The following STXBP5 variants were observed in gnomAD, a reference collection of about 807,000 sequenced individuals.
The protein encoded by STXBP5 is syntaxin-binding protein 5.
Under a neutral mutation model 152.4 loss-of-function variants are expected in STXBP5, and 50 were observed. The observed-to-expected ratio is 0.33, with a 90% confidence interval of 0.26 to 0.42. STXBP5 has a LOEUF of 0.42. STXBP5 is among the 10% of genes least tolerant of loss of function. The pLI, the probability that STXBP5 is intolerant of heterozygous loss-of-function variation, is 1.00. For missense variants in STXBP5, 1,167 were observed against 1,388.6 expected (o/e 0.84, Z 2.54); for synonymous variants, 492 against 494.7 (o/e 0.99, Z 0.07).
intron 6 of STXBP5, among the ~76,000 whole-genome samples, chr6:147,263,869 A>G (rs1188989376): frequency 2.0e-5 from 3 of 151,962 alleles, no homozygotes; most frequent in Non-Finnish European, 2.9e-5. Context: ...ATTTTATGGT[A>G]TTTATCACAT....
At chr6:147,338,243 A>G (rs892109265) in intron 19 of STXBP5, among the ~76,000 whole-genome samples, 3 of 152,120 alleles carry the variant, frequency 2.0e-5, no homozygotes, top group Admixed American at 1.3e-4. Flanking sequence ...TTGGAAGTTC[A>G]TTCCAGTGAG....
chr6:147,235,387 T>C, intron 3 of STXBP5, 56 bp downstream of exon 3: 1 of 1,393,538 alleles, frequency 7.2e-7, no homozygotes, highest in Non-Finnish European at 1.0e-6. Context: ...CCACTTCTAG[T>C]CTTTCAGATT....
Position 147,239,283 on chromosome 6 carries a change from C to A in STXBP5, c.431+13C>A, listed in dbSNP as rs1017448023. 5 of 1,603,160 alleles carry A rather than the reference C, an allele frequency of 3.1e-6. No individual in the cohort carries two copies. The African/African-American group carries it at 6.7e-5, about 21-fold the overall frequency. On this transcript the variant is annotated intron_variant, in intron 4 of 27. Transcript: ENST00000321680. ...TTTGCAGAGAAAGGTAAGAATTCTC[C>A]CAGTTATCTTATGTATAGGATATTT...
chr6:147,247,761 C>T (rs1778881959), intron 4 of STXBP5, among the ~76,000 whole-genome samples: 1 of 152,078 alleles, frequency 6.6e-6, no homozygotes, highest in African/African-American at 2.4e-5. Flanking sequence ...CTTTGTTACA[C>T]TTATATAGAT....
At chr6:147,314,071 T>G (rs1316611753) in intron 12 of STXBP5, 40 bp downstream of exon 12, 1 of 1,531,132 alleles carries the variant, frequency 6.5e-7, no homozygotes, top group Non-Finnish European at 8.9e-7. Context: ...TTATATTTCT[T>G]ATTTATTCTA....
intron 2 of STXBP5, among the ~76,000 whole-genome samples, chr6:147,228,451 G>A (rs185946397): frequency 2.3e-4 from 35 of 152,074 alleles, no homozygotes; most frequent in Admixed American, 6.6e-4. Flanking sequence ...ACATTTTAGA[G>A]TGGTGTATTT....
intron 10 of STXBP5, among the ~76,000 whole-genome samples, chr6:147,311,216 A>G (rs1005395224): frequency 6.6e-6 from 1 of 152,176 alleles, no homozygotes; most frequent in Non-Finnish European, 1.5e-5. Flanking sequence ...GAAATTTGCA[A>G]TGCCATAGAA....
At chr6:147,363,246 A>C (rs2128413644) in intron 23 of STXBP5, 89 bp from the exon 24 acceptor site, 1 of 1,311,778 alleles carries the variant, frequency 7.6e-7, no homozygotes, top group African/African-American at 1.5e-5. Context: ...GCATATATTT[A>C]AGTATCTACT....
chr6:147,324,439 A>C (rs2128384479), intron 16 of STXBP5, among the ~76,000 whole-genome samples: 2 of 151,426 alleles, frequency 1.3e-5, no homozygotes, highest in South Asian at 4.2e-4. Context: ...CGCCAGGCTA[A>C]TTTTTGTATT....
chr6:147,209,703 T>A (rs2115025285), intron 2 of STXBP5, among the ~76,000 whole-genome samples: 1 of 152,296 alleles, frequency 6.6e-6, no homozygotes, highest in African/African-American at 2.4e-5. Flanking sequence ...TATTTGGGGC[T>A]CTACTGACAT....
chr6:147,229,295 T>A (rs539680880), intron 2 of STXBP5, among the ~76,000 whole-genome samples: 7 of 152,188 alleles, frequency 4.6e-5, no homozygotes, highest in South Asian at 2.1e-4. Flanking sequence ...GCCTTTTTTT[T>A]ATTACCTATT....
intron 23 of STXBP5, among the ~76,000 whole-genome samples, chr6:147,361,449 G>C (rs890277223): frequency 6.6e-6 from 1 of 152,062 alleles, no homozygotes; most frequent in Non-Finnish European, 1.5e-5. Context: ...CTTGAGGTTT[G>C]TTTTTAATAA....
chr6:147,381,293 A>G (rs551953433), intron 26 of STXBP5, among the ~76,000 whole-genome samples: 14 of 152,278 alleles, frequency 9.2e-5, no homozygotes, highest in Admixed American at 7.2e-4. Flanking sequence ...CTTCAACATC[A>G]TTTGTCATTA....
chr6:147,328,550 A>AT (rs1017798820), intron 18 of STXBP5: 96 of 320,798 alleles, frequency 3.0e-4, no homozygotes, highest in Admixed American at 1.3e-4. Context: ...TGATGACTGA[A>AT]TTTTTCTTTC....
rs1467226410 is a variant in STXBP5 at position 147,387,288 on chromosome 6, G to C, written c.*2533G>C. 1 of 151,182 alleles carries C rather than the reference G, an allele frequency of 6.6e-6. No individual in the cohort carries two copies. The highest frequency in any genetic ancestry group is 6.6e-5 in the Admixed American group (1 of 15,156). The allele number at this position is 151,182 out of a possible 1,614,324, so 9.4% of individuals were successfully genotyped here. A position where few individuals can be genotyped will look rare whatever the true frequency, so the allele number is the denominator to read the frequency against. ...TAAATACAGAAAGTAATAGTCACCA[G>C]CAAGCCACGATTTCAGGAAAACTGA... On this transcript the variant is annotated 3_prime_UTR_variant, in exon 28 of 28. Coordinates refer to ENST00000321680, the MANE Select transcript of STXBP5 (RefSeq NM_001127715.4).
chr6:147,274,049 G>A (rs1582875793), intron 7 of STXBP5, among the ~76,000 whole-genome samples: 1 of 152,036 alleles, frequency 6.6e-6, no homozygotes, highest in East Asian at 1.9e-4. Flanking sequence ...TATATTCATG[G>A]AAGCATTTAT....
intron 6 of STXBP5, among the ~76,000 whole-genome samples, chr6:147,266,839 G>A (rs1779916338): frequency 6.6e-6 from 1 of 152,058 alleles, no homozygotes; most frequent in African/African-American, 2.4e-5. Flanking sequence ...CTTCAAAATG[G>A]TACTGTTTTT....
rs1179573055 is a variant in STXBP5 at position 147,324,264 on chromosome 6, G to GTTT, written c.1803-672_1803-670dup. Among the ~76,000 whole-genome samples, 262 of 57,868 alleles carry GTTT rather than the reference G, an allele frequency of 4.5e-3. 2 individuals are homozygous for GTTT. Among genetic ancestry groups the GTTT allele is most frequent in the East Asian group, 9.8e-3 (16 of 1,632 alleles). The allele number at this position is 57,868 out of a possible 152,430, so 38.0% of individuals were successfully genotyped here. A position where few individuals can be genotyped will look rare whatever the true frequency, so the allele number is the denominator to read the frequency against. On this transcript the variant is annotated intron_variant, in intron 16 of 27. Coordinates refer to ENST00000321680, the MANE Select transcript of STXBP5 (RefSeq NM_001127715.4). The stretch of plus-strand genomic sequence containing the variant: ...TTAAGTTTTGTGGGGTTTTTTTTTG[G>GTTT]TTTTTTTTTTTTTTTTTTTTTTTTT...
At chr6:147,223,761 A>T (rs1311432939) in intron 2 of STXBP5, among the ~76,000 whole-genome samples, 2 of 152,160 alleles carry the variant, frequency 1.3e-5, no homozygotes, top group African/African-American at 4.8e-5. Flanking sequence ...ATCTTTGTGG[A>T]TGCTTGTGAT....
Sources: allele counts gnomAD v4.1 joint callset (sites outside exome capture counted in the v4.1 genomes callset), GRCh38; gene constraint gnomAD v4.1.1; transcripts MANE v1.5; gene names NCBI Gene and HGNC (gene_info 2026-07-23, HGNC 2026-07-21).